The following F12 variants were observed in gnomAD, a reference collection of about 807,000 sequenced individuals.
F12 encodes the protein Hageman factor.
A neutral mutation model predicts 74.8 loss-of-function variants in F12; 70 were observed. That is an observed-to-expected ratio of 0.94 (90% CI 0.77 to 1.14). The LOEUF is 1.14. Ranked by LOEUF, F12 falls within the 50% of genes most tolerant of loss-of-function variation. F12 has a pLI of 0.00. For synonymous variants in F12, 373 were observed against 356.4 expected, an observed-to-expected ratio of 1.05 and a Z score of -0.52; for missense variants, 811 against 835.7, an observed-to-expected ratio of 0.97 and a Z score of 0.36.
chr5:177,409,214 C>A (rs1045461678), intron 1 of F12, 111 bp from the exon 2 acceptor site: 1 of 1,234,222 alleles, frequency 8.1e-7, no homozygotes, highest in African/African-American at 1.5e-5. Context: ...GATTTCTTCC[C>A]AAGACCCAAA....
At position 177,402,845 on chromosome 5, in the gene F12, A is replaced by C. The variant is rs1051756951; in HGVS notation, c.1532-147T>G. ...GAAGGGGAGGAGGTGCCATTAATTC[A>C]ATTTCATAGGCAAGGAGGCTGAGGT... On this transcript the variant is annotated intron_variant, in intron 12 of 13. Transcript: ENST00000253496. The C allele has an allele frequency of 2.0e-5, 23 of 1,162,058 alleles. No homozygotes were observed. The African/African-American group carries it at 3.2e-4, about 16-fold the overall frequency. The allele number at this position is 1,162,058 out of a possible 1,614,324, so 72.0% of individuals were successfully genotyped here.
rs1254959276 is a variant in F12 at position 177,406,123 on chromosome 5, T to A, written c.116-62A>T. On this transcript the variant is annotated intron_variant, in intron 2 of 13. Transcript: ENST00000253496. Reference sequence around the variant, plus strand: ...TACTCAACTGCTCAGGCACTGTCCCTCAGGGTCTGGTCAGGAAAAGGACAG... The same window carrying A: ...TACTCAACTGCTCAGGCACTGTCCCACAGGGTCTGGTCAGGAAAAGGACAG... 4.2e-6 allele frequency: 6 copies of A among 1,435,934 alleles called. No individual in the cohort carries two copies. In the South Asian group the frequency reaches 6.9e-5, roughly 16 times the overall value. The allele number at this position is 1,435,934 out of a possible 1,614,324, so 88.9% of individuals were successfully genotyped here.
chr5:177,404,059 G>A lies in F12; in HGVS notation c.1050C>T (p.Ser350=), dbSNP rs768418702. The A allele has an allele frequency of 2.5e-6, 4 of 1,602,802 alleles. No individual in the cohort carries two copies. Among genetic ancestry groups the A allele is most frequent in the East Asian group, 2.2e-5 (1 of 44,858 alleles). The change falls in exon 10 of 14, where the codon TCC becomes TCT. Residue 350 remains serine (S), a synonymous_variant. Transcript: ENST00000253496. ...ALPAKREQPP[S]LTRNGPLSCG... ...AGCTCAGTGGGCCGTTCCTGGTCAG[G>A]GAAGGCGGCTGCTCCCGCTTCGCCG...
chr5:177,405,757 A>G lies in F12; in HGVS notation c.264T>C (p.Cys88=), dbSNP rs1235123875. Residue 88 remains cysteine (C), a synonymous_variant, in exon 4 of 14, where the codon TGT becomes TGC. Transcript: ENST00000253496. ...CACCTTTCACTTTCTTGGGCTCCAAACAGTATCCCCATCGCTGGTCCTGAT... is the reference window on the plus strand; with the variant it reads ...CACCTTTCACTTTCTTGGGCTCCAAGCAGTATCCCCATCGCTGGTCCTGAT... ...NFDQDQRWGY[C]LEPKKVKDHC... The G allele has an allele frequency of 3.7e-6, 6 of 1,614,160 alleles. No homozygotes were observed. Among genetic ancestry groups the G allele is most frequent in the Non-Finnish European group, 5.1e-6 (6 of 1,180,024 alleles).
chr5:177,404,378 A>G lies in F12; in HGVS notation c.836T>C (p.Val279Ala). The G allele has an allele frequency of 4.3e-6, 7 of 1,612,136 alleles. No individual in the cohort carries two copies. Among genetic ancestry groups the G allele is most frequent in the Non-Finnish European group, 5.9e-6 (7 of 1,179,696 alleles). Residue 279 changes from valine (V) to alanine (A), a missense_variant, in exon 9 of 14, where the codon GTG (valine) becomes GCG (alanine). Val to Ala is a moderately conservative substitution (Grantham distance 64). Coordinates refer to ENST00000253496, the MANE Select transcript of F12 (RefSeq NM_000505.4). ...CCAGCTCAGCCGGTCGCGGTTCAGC[A>G]CGAAGCACCACGGGCGGATGTCGTT... is the stretch of plus-strand genomic sequence containing the variant. Reference protein sequence around the residue: ...PDNDIRPWCFVLNRDRLSWEY... With the variant: ...PDNDIRPWCFALNRDRLSWEY...
chr5:177,406,311 A>G (rs1448355934), intron 2 of F12, among the ~76,000 whole-genome samples: 3 of 151,958 alleles, frequency 2.0e-5, no homozygotes, highest in Admixed American at 2.0e-4. Context: ...ATACAGTGAA[A>G]CCCCCTCTCT....
chr5:177,404,796 A>G lies in F12; in HGVS notation c.634+14T>C. 2 of 1,597,754 alleles carry G rather than the reference A, an allele frequency of 1.3e-6. No homozygotes were observed. Among genetic ancestry groups the G allele is most frequent in the Non-Finnish European group, 1.7e-6 (2 of 1,173,036 alleles). ...TGGGGGCTGGCCTTCTGCTTGCCCC[A>G]GACCCTCACTCACCCACGTCGCAGA... On this transcript the variant is annotated intron_variant, in intron 7 of 13. Transcript: ENST00000253496.
chr5:177,406,278 G>A (rs1483809875), intron 2 of F12, among the ~76,000 whole-genome samples: 5 of 152,190 alleles, frequency 3.3e-5, no homozygotes, highest in Non-Finnish European at 7.4e-5. Context: ...CACGAGGTCA[G>A]GAGATCAAGA....
Position 177,403,859 on chromosome 5 carries a change from C to G in F12, c.1250G>C (p.Arg417Pro), listed in dbSNP as rs932430490. Residue 417 changes from arginine to proline, a missense_variant and splice_region_variant, in exon 10 of 14, where the codon CGG becomes CCG. Physicochemically the swap from Arg to Pro is moderately radical, Grantham distance 103. Transcript: ENST00000253496. ...VLTAAHCLQDRPAPEDLTVVL... is the reference protein window; with the variant it reads ...VLTAAHCLQDPPAPEDLTVVL... Reference sequence around the variant, plus strand: ...CGGCTCTGGGCGGGCGGGTACTCGCCGGTCCTGCAGGCAGTGAGCGGCCGT... The same window carrying G: ...CGGCTCTGGGCGGGCGGGTACTCGCGGGTCCTGCAGGCAGTGAGCGGCCGT... 7 of 1,532,360 alleles carry G rather than the reference C, an allele frequency of 4.6e-6. No homozygotes were observed. Among genetic ancestry groups the G allele is most frequent in the Non-Finnish European group, 6.1e-6 (7 of 1,140,668 alleles). 94.9% of individuals were successfully genotyped at this position (1,532,360 alleles called of 1,614,324 possible).
intron 4 of F12, 32 bp from the exon 5 acceptor site, chr5:177,405,465 G>A (rs751633176): frequency 3.8e-6 from 6 of 1,596,502 alleles, no homozygotes; most frequent in South Asian, 2.2e-5. Flanking sequence ...AGGAAGAGCA[G>A]GGAGCTGAGT....
At chr5:177,409,203 A>G in intron 1 of F12, 100 bp from the exon 2 acceptor site, 1 of 1,310,818 alleles carries the variant, frequency 7.6e-7, no homozygotes, top group Non-Finnish European at 1.1e-6. Flanking sequence ...AGAAATGCAG[A>G]GATTTCTTCC....
At position 177,406,332 on chromosome 5, in the gene F12, CA is replaced by C. The variant is rs41309744; in HGVS notation, c.116-272del. ...TGAAACCCCCTCTCTACTAAAAATACAAAAAAATTAGCTGGGGGTGGTGGCA... is the reference window on the plus strand; with the variant it reads ...TGAAACCCCCTCTCTACTAAAAATACAAAAAATTAGCTGGGGGTGGTGGCA... On this transcript the variant is annotated intron_variant, in intron 2 of 13. Coordinates refer to ENST00000253496, the MANE Select transcript of F12 (RefSeq NM_000505.4). Among the ~76,000 whole-genome samples, 1,511 of 152,096 alleles carry C rather than the reference CA, an allele frequency of 9.9e-3. 16 individuals are homozygous for C. Among genetic ancestry groups the C allele is most frequent in the Non-Finnish European group, 0.017 (1,164 of 67,960 alleles).
intron 4 of F12, 57 bp downstream of exon 4, chr5:177,405,678 A>G (rs1302744507): frequency 1.3e-6 from 2 of 1,532,520 alleles, no homozygotes; most frequent in Non-Finnish European, 1.8e-6. Flanking sequence ...TGATACCAGG[A>G]GAGTAATGAG....
Position 177,405,369 on chromosome 5 carries a change from G to A in F12, c.351C>T (p.Pro117=), listed in dbSNP as rs1763265549. 4.3e-6 allele frequency: 7 copies of A among 1,614,178 alleles called. No homozygotes were observed. Among genetic ancestry groups the A allele is most frequent in the Non-Finnish European group, 5.9e-6 (7 of 1,180,036 alleles). Residue 117 remains proline (P), a synonymous_variant, in exon 5 of 14, where the codon CCC becomes CCT. Transcript: ENST00000253496. ...GGTCVNMPSG[P]HCLCPQHLTG... ...TGAGGTGTTGTGGACAGAGACAGTG[G>A]GGGCCGCTTGGCATGTTCACACAGG...
In F12 at chr5:177,403,233, GCCC is replaced by G; in HGVS notation, c.1531+18_1531+20del. On this transcript the variant is annotated intron_variant, in intron 12 of 13. Coordinates refer to ENST00000253496, the MANE Select transcript of F12 (RefSeq NM_000505.4). ...ATCAAAGGTCTCCTCCCCTACCCCT[GCCC>G]CTAGCAGTTGTGCCTACCCTCGAAC... The G allele has an allele frequency of 6.3e-7, 1 of 1,599,956 alleles. No homozygotes were observed. Among genetic ancestry groups the G allele is most frequent in the South Asian group, 1.1e-5 (1 of 91,050 alleles).
chr5:177,408,494 C>G (rs556099888), intron 2 of F12, among the ~76,000 whole-genome samples: 1 of 152,312 alleles, frequency 6.6e-6, no homozygotes, highest in South Asian at 2.1e-4. Flanking sequence ...TTCCATGCAC[C>G]AGGTGATGGG....
intron 1 of F12, among the ~76,000 whole-genome samples, 168 bp downstream of exon 1, chr5:177,409,303 T>G (rs1763353536): frequency 6.6e-6 from 1 of 151,842 alleles, no homozygotes; most frequent in Non-Finnish European, 1.5e-5. Context: ...ATCCACCCAG[T>G]CTGGTTGTCT....
In F12 at chr5:177,408,972, C is replaced by T. The variant is rs548588361; in HGVS notation, c.115+74G>A. ...ACCAGGTAGGCACTAGACTAGACTG[C>T]CCTGAGACTGCACACACTGCACCAT... On this transcript the variant is annotated intron_variant, in intron 2 of 13. Transcript: ENST00000253496. The T allele has an allele frequency of 1.8e-4, 262 of 1,433,224 alleles. 1 individual carries two copies. The African/African-American group carries it at 3.4e-3, about 19-fold the overall frequency. 88.8% of individuals were successfully genotyped at this position (1,433,224 alleles called of 1,614,324 possible).
In F12 at chr5:177,404,016, T is replaced by C. The variant is rs763865751; in HGVS notation, c.1093A>G (p.Lys365Glu). ...GPLSCGQRLR[K>E]SLSSMTRVVG... is the part of the protein sequence containing the mutation. ...ACGCGGGTCATCGAAGACAGACTCT[T>C]GCGGAGCCGCTGCCCGCAGCTCAGT... Residue 365 changes from lysine to glutamate, a missense_variant, in exon 10 of 14, where the codon AAG becomes GAG. Transcript: ENST00000253496. 1 of 1,601,978 alleles carries C rather than the reference T, an allele frequency of 6.2e-7. No individual in the cohort carries two copies. The highest frequency in any genetic ancestry group is 1.3e-5 in the African/African-American group (1 of 74,904).
Sources: allele counts gnomAD v4.1 joint callset (sites outside exome capture counted in the v4.1 genomes callset), GRCh38; gene constraint gnomAD v4.1.1; transcripts MANE v1.5; gene names NCBI Gene and HGNC (gene_info 2026-07-23, HGNC 2026-07-21).